The following NLRP5 variants were observed in gnomAD, a reference collection of about 807,000 sequenced individuals.
NLRP5 encodes the protein NACHT, LRR and PYD domains-containing protein 5.
NLRP5 carries 93 observed loss-of-function variants against 113.1 expected under a neutral mutation model. The observed-to-expected ratio is 0.82, with a 90% CI of 0.70 to 0.98. NLRP5 has a LOEUF of 0.98. NLRP5 is among the 50% of genes least tolerant of loss of function. The pLI is 0.00. For synonymous variants in NLRP5, 751 were observed against 600.7 expected (o/e 1.25, Z -3.66); for missense variants, 1,808 against 1,514.3 (o/e 1.19, Z -3.22).
intron 14 of NLRP5, among the ~76,000 whole-genome samples, chr19:56,059,770 C>T (rs760608099): frequency 2.0e-5 from 3 of 151,978 alleles, no homozygotes; most frequent in Non-Finnish European, 4.4e-5. Flanking sequence ...ATATGATCCA[C>T]CAGCTTCAGC....
At chr19:56,048,592 A>T (rs57876172) in intron 11 of NLRP5, among the ~76,000 whole-genome samples, 1,734 of 152,200 alleles carry the variant, frequency 0.011, 30 homozygotes, top group African/African-American at 0.04. Context: ...AAATCTGTTA[A>T]TCTGATAGGT....
rs1292298315 is a variant in NLRP5 at position 56,028,160 on chromosome 19, G to A, written c.1927G>A (p.Glu643Lys). Residue 643 changes from glutamate (E) to lysine (K), a missense_variant, in exon 7 of 15, where the codon GAA (glutamate) becomes AAA (lysine). Transcript: ENST00000390649. ...GCGTTTCTTGTTTGGCCTCGTGAGC[G>A]AAGACGTAAGGAGGCCACTGGAGGT... 16 of 1,613,984 alleles carry A rather than the reference G, an allele frequency of 9.9e-6. No homozygotes were observed. The highest frequency in any genetic ancestry group is 1.2e-5 in the Non-Finnish European group (14 of 1,179,888).
rs967500908 is a variant in NLRP5 at position 56,038,256 on chromosome 19, C to T, written c.2786+61C>T. 38 of 1,529,774 alleles carry T rather than the reference C, an allele frequency of 2.5e-5. No individual in the cohort carries two copies. The African/African-American group carries it at 3.4e-4, about 14-fold the overall frequency. 94.8% of individuals were successfully genotyped at this position (1,529,774 alleles called of 1,614,324 possible). A position where few individuals can be genotyped will look rare whatever the true frequency, so the allele number is the denominator to read the frequency against. ...ACTTCCACCAGGATTATCGTAACTT[C>T]GATTCTCCAGGTCATGGTGGGAGGG... On this transcript the variant is annotated intron_variant, in intron 10 of 14. Coordinates refer to ENST00000390649, the MANE Select transcript of NLRP5 (RefSeq NM_153447.4).
chr19:55,997,728 T>G (rs935922322), upstream of NLRP5, among the ~76,000 whole-genome samples: 1 of 152,082 alleles, frequency 6.6e-6, no homozygotes, highest in African/African-American at 2.4e-5. Context: ...CTGGGTGTGG[T>G]GGCTGGCACC....
Position 56,003,829 on chromosome 19 carries a change from C to T in NLRP5, c.176C>T (p.Thr59Ile). 1 of 1,613,958 alleles carries T rather than the reference C, an allele frequency of 6.2e-7. No individual in the cohort carries two copies. Among genetic ancestry groups the T allele is most frequent in the Non-Finnish European group, 8.5e-7 (1 of 1,179,886 alleles). ...AAGATGGAAGGAGACAAATCGCTCA[C>T]CTTTTCCAGCTACGGGCTGCAATGG... Residue 59 changes from threonine to isoleucine, a missense_variant, in exon 2 of 15, where the codon ACC (threonine) becomes ATC (isoleucine). Transcript: ENST00000390649.
At chr19:56,052,424 A>G (rs1231804780) in intron 12 of NLRP5, among the ~76,000 whole-genome samples, 1 of 151,958 alleles carries the variant, frequency 6.6e-6, no homozygotes, top group African/African-American at 2.4e-5. Flanking sequence ...ACCTGCCACC[A>G]TGCCCAGCTA....
At chr19:56,029,148 A>T (rs533462103) in intron 7 of NLRP5, among the ~76,000 whole-genome samples, 84 of 152,260 alleles carry the variant, frequency 5.5e-4, no homozygotes, top group South Asian at 2.7e-3. Context: ...TGTGATGGAA[A>T]TATTCCATGT....
the NLRP5 span, among the ~76,000 whole-genome samples, chr19:55,990,269 A>G: frequency 3.3e-5 from 5 of 151,412 alleles, no homozygotes; most frequent in Non-Finnish European, 7.4e-5. Flanking sequence ...GTGTATTTTT[A>G]GTAGAGATGC....
chr19:55,992,117 G>C, the NLRP5 span, among the ~76,000 whole-genome samples: 1 of 152,108 alleles, frequency 6.6e-6, no homozygotes. Flanking sequence ...AGAACATGTG[G>C]TAGTTGGTTT....
At chr19:55,995,607 T>C (rs1981299524), upstream of NLRP5, among the ~76,000 whole-genome samples, 1 of 152,168 alleles carries the variant, frequency 6.6e-6, no homozygotes, top group African/African-American at 2.4e-5. Flanking sequence ...ATTAGGATTG[T>C]TTTTCTATTT....
chr19:56,006,430 A>T (rs145148053), intron 2 of NLRP5, among the ~76,000 whole-genome samples: 2 of 150,734 alleles, frequency 1.3e-5, no homozygotes, highest in Middle Eastern at 3.2e-3. Context: ...ATAATTTTAA[A>T]AAAAAAATGG....
intron 2 of NLRP5, among the ~76,000 whole-genome samples, chr19:56,004,798 A>G (rs913822107): frequency 6.6e-6 from 1 of 152,046 alleles, no homozygotes; most frequent in Non-Finnish European, 1.5e-5. Flanking sequence ...TTGGCCCTAC[A>G]AATACAGGTG....
At position 56,008,795 on chromosome 19, in the gene NLRP5, A is replaced by C; in HGVS notation, c.450A>C (p.Ser150=). 2 of 1,610,066 alleles carry C rather than the reference A, an allele frequency of 1.2e-6. No homozygotes were observed. The highest frequency in any genetic ancestry group is 1.7e-6 in the Non-Finnish European group (2 of 1,178,144). Residue 150 remains serine (S), a synonymous_variant, in exon 3 of 15, where the codon TCA becomes TCC. Coordinates refer to ENST00000390649, the MANE Select transcript of NLRP5 (RefSeq NM_153447.4). Reference sequence around the variant, plus strand: ...TTTTTCTTTGTCTTCCAGGACATTCACCAGAAGATCCTGAAGCAACGATGA... The same window carrying C: ...TTTTTCTTTGTCTTCCAGGACATTCCCCAGAAGATCCTGAAGCAACGATGA...
rs1279412831 is a variant in NLRP5 at position 56,037,937 on chromosome 19, G to A, written c.2616-88G>A. The A allele has an allele frequency of 2.9e-6, 4 of 1,389,502 alleles. No homozygotes were observed. The Admixed American group carries it at 8.1e-5, about 28-fold the overall frequency. The allele number at this position is 1,389,502 out of a possible 1,614,324, so 86.1% of individuals were successfully genotyped here. On this transcript the variant is annotated intron_variant, in intron 9 of 14. Transcript: ENST00000390649. ...ACAGAGTTCGAGGACCAGGAAAACG[G>A]CCAGCGCTGCTGGCGTGTGCTGAGT...
chr19:56,030,356 T>G (rs1333858486), intron 7 of NLRP5, among the ~76,000 whole-genome samples: 3 of 151,512 alleles, frequency 2.0e-5, no homozygotes, highest in Non-Finnish European at 4.4e-5. Context: ...GGTGACAGAG[T>G]GAGACTCTAT....
At chr19:55,988,438 G>GTATATATATATATATA in the NLRP5 span, 298 of 91,662 alleles carry the variant, frequency 3.3e-3, 1 homozygote, top group Non-Finnish European at 4.4e-3. Flanking sequence ...ATATATATGT[G>GTATATATATATATATA]TGTGTGTATA....
chr19:55,994,406 T>C, the NLRP5 span, among the ~76,000 whole-genome samples: 3 of 152,056 alleles, frequency 2.0e-5, no homozygotes, highest in Non-Finnish European at 4.4e-5. Flanking sequence ...TGCGGGGTTT[T>C]TTTGGGAGGG....
chr19:56,030,301 C>T (rs951208337), intron 7 of NLRP5, among the ~76,000 whole-genome samples: 10 of 151,828 alleles, frequency 6.6e-5, no homozygotes, highest in African/African-American at 2.2e-4. Flanking sequence ...ACCCCGCGGG[C>T]GGAGGTTGCA....
chr19:56,041,246 A>C (rs1983512115), intron 11 of NLRP5, among the ~76,000 whole-genome samples, 154 bp downstream of exon 11: 1 of 152,090 alleles, frequency 6.6e-6, no homozygotes. Flanking sequence ...CCTAGGTTTC[A>C]TCCTTTCTTG....
Sources: allele counts gnomAD v4.1 joint callset (sites outside exome capture counted in the v4.1 genomes callset), GRCh38; gene constraint gnomAD v4.1.1; transcripts MANE v1.5; gene names NCBI Gene and HGNC (gene_info 2026-07-23, HGNC 2026-07-21).